RAPGEF5: variants seen among roughly 807,000 people sequenced by gnomAD.
The protein encoded by RAPGEF5 is M-Ras-regulated GEF.
Under a neutral mutation model 125.2 loss-of-function variants are expected in RAPGEF5, and 65 were observed. The ratio of observed to expected loss-of-function variants is 0.52; its 90% confidence interval spans 0.43 to 0.64. The LOEUF is 0.64. Ranked by LOEUF, RAPGEF5 falls within the 30% of genes least tolerant of loss-of-function variation. RAPGEF5 has a pLI of 0.00. For synonymous variants in RAPGEF5, 391 were observed against 385.9 expected, an observed-to-expected ratio of 1.01 and a Z score of -0.16; for missense variants, 958 against 1,048.1, an observed-to-expected ratio of 0.91 and a Z score of 1.19.
At chr7:22,196,148 G>C (rs769448246) in intron 9 of RAPGEF5, among the ~76,000 whole-genome samples, 1 of 152,060 alleles carries the variant, frequency 6.6e-6, no homozygotes, top group Non-Finnish European at 1.5e-5. Flanking sequence ...ATAAAGAAGA[G>C]AAAAAGCAGA....
Position 22,318,019 on chromosome 7 carries a change from A to G in RAPGEF5, c.250T>C (p.Ser84Pro). 7.1e-6 allele frequency: 11 copies of G among 1,544,940 alleles called. No homozygotes were observed. The highest frequency in any genetic ancestry group is 9.6e-6 in the Non-Finnish European group (11 of 1,145,412). ...GGCGTATGTTCAAGGTACGGATTAG[A>G]TATTCTTCTTGATAGAGTCTATTTT... ...AGGRTLSRRI[S>P]NPYLEHTPSQ... Residue 84 changes from serine to proline, a missense_variant, in exon 2 of 26, where the codon TCT becomes CCT. Physicochemically the swap from Ser to Pro is moderately conservative, Grantham distance 74 (BLOSUM62 -1). Transcript: ENST00000665637.
At chr7:22,185,904 G>C (rs1056739486) in intron 11 of RAPGEF5, among the ~76,000 whole-genome samples, 16 of 151,808 alleles carry the variant, frequency 1.1e-4, no homozygotes, top group Admixed American at 1.1e-3. Flanking sequence ...GCCCAAGCTG[G>C]ACTGCAGTGG....
At chr7:22,348,186 G>A (rs1021326839) in intron 1 of RAPGEF5, among the ~76,000 whole-genome samples, 16 of 152,148 alleles carry the variant, frequency 1.1e-4, no homozygotes, top group Admixed American at 9.2e-4. Flanking sequence ...CATTTCTTTT[G>A]CTGTGCTATC....
intron 5 of RAPGEF5, among the ~76,000 whole-genome samples, chr7:22,297,141 G>A (rs1783081140): frequency 6.6e-6 from 1 of 152,124 alleles, no homozygotes; most frequent in Non-Finnish European, 1.5e-5. Flanking sequence ...GGAGATATAG[G>A]GAAATATCAA....
At chr7:22,251,187 C>T (rs1232987462) in intron 7 of RAPGEF5, among the ~76,000 whole-genome samples, 1 of 152,044 alleles carries the variant, frequency 6.6e-6, no homozygotes, top group East Asian at 1.9e-4. Context: ...CTACAGATTG[C>T]AAAAGCAATA....
intron 7 of RAPGEF5, among the ~76,000 whole-genome samples, chr7:22,243,994 A>G (rs148430230): frequency 3.3e-5 from 5 of 152,116 alleles, no homozygotes; most frequent in African/African-American, 4.8e-5. Flanking sequence ...CGTAAGTTCT[A>G]CTTTCTAAGT....
chr7:22,154,383 C>T (rs966223915), intron 17 of RAPGEF5, 72 bp downstream of exon 17: 6 of 1,544,802 alleles, frequency 3.9e-6, no homozygotes, highest in East Asian at 4.6e-5. Context: ...TTTTACTCTA[C>T]AAAAATGTCA....
chr7:22,183,348 C>A (rs1053391851), intron 11 of RAPGEF5, among the ~76,000 whole-genome samples: 2 of 137,766 alleles, frequency 1.5e-5, no homozygotes, highest in Non-Finnish European at 3.1e-5. Context: ...TTCTCTGAAA[C>A]TTGACAATTT....
chr7:22,118,659 T>A lies in RAPGEF5; in HGVS notation c.*3747A>T, dbSNP rs569305901. On this transcript the variant is annotated 3_prime_UTR_variant, in exon 26 of 26. Coordinates refer to ENST00000665637, the MANE Select transcript of RAPGEF5 (RefSeq NM_012294.5). ...TGATGGCGGGTTCTCTATCTTCTAA[T>A]TGTTAATGCAAGCTGACAATATCAC... The A allele has an allele frequency of 6.5e-6, 1 of 152,746 alleles. No homozygotes were observed. The highest frequency in any genetic ancestry group is 2.1e-4 in the South Asian group (1 of 4,828). 9.5% of individuals were successfully genotyped at this position (152,746 alleles called of 1,614,324 possible). A position where few individuals can be genotyped will look rare whatever the true frequency, so the allele number is the denominator to read the frequency against.
intron 22 of RAPGEF5, 35 bp from the exon 23 acceptor site, chr7:22,136,160 A>C: frequency 6.8e-7 from 1 of 1,469,806 alleles, no homozygotes; most frequent in Non-Finnish European, 9.4e-7. Flanking sequence ...GAGAAAGAAA[A>C]ATCAATGTGC....
intron 14 of RAPGEF5, among the ~76,000 whole-genome samples, chr7:22,158,632 A>AT (rs59433660): frequency 0.011 from 1,607 of 148,666 alleles, 24 homozygotes; most frequent in African/African-American, 0.022. Flanking sequence ...GACAAAAATC[A>AT]TTTTTTTTTT....
chr7:22,288,805 C>CA (rs956162299), intron 6 of RAPGEF5, among the ~76,000 whole-genome samples: 1 of 152,160 alleles, frequency 6.6e-6, no homozygotes, highest in African/African-American at 2.4e-5. Flanking sequence ...TTGGTTCCCA[C>CA]AAAAACCACC....
chr7:22,122,213 T>A lies in RAPGEF5; in HGVS notation c.*193A>T, dbSNP rs143611986. ...CTGCCTTCTTGTCCCGAGAGTAGCA[T>A]GGAGAAACCTCTCCCCCTCTCTGGT... On this transcript the variant is annotated 3_prime_UTR_variant, in exon 26 of 26. Coordinates refer to ENST00000665637, the MANE Select transcript of RAPGEF5 (RefSeq NM_012294.5). 150 of 544,486 alleles carry A rather than the reference T, an allele frequency of 2.8e-4. No individual in the cohort carries two copies. The highest frequency in any genetic ancestry group is 9.4e-4 in the Admixed American group (31 of 32,838). 33.7% of individuals were successfully genotyped at this position (544,486 alleles called of 1,614,324 possible).
chr7:22,159,658 A>G (rs1349117494), intron 14 of RAPGEF5, among the ~76,000 whole-genome samples: 1 of 152,244 alleles, frequency 6.6e-6, no homozygotes, highest in African/African-American at 2.4e-5. Flanking sequence ...TAATGGTAAT[A>G]TCGCTAACAG....
intron 5 of RAPGEF5, among the ~76,000 whole-genome samples, chr7:22,298,130 A>C (rs534008577): frequency 6.6e-6 from 1 of 150,884 alleles, no homozygotes; most frequent in South Asian, 2.1e-4. Context: ...TAATTTTTAT[A>C]TGTGAGGAAG....
chr7:22,140,769 C>T (rs1311728825), intron 20 of RAPGEF5, among the ~76,000 whole-genome samples: 1 of 152,154 alleles, frequency 6.6e-6, no homozygotes, highest in Non-Finnish European at 1.5e-5. Context: ...GGTCAACATT[C>T]CACTAATTTC....
chr7:22,141,072 G>A (rs1783243649), intron 20 of RAPGEF5, among the ~76,000 whole-genome samples: 1 of 152,150 alleles, frequency 6.6e-6, no homozygotes, highest in Admixed American at 6.5e-5. Flanking sequence ...CATGGAATCT[G>A]GGAATAGTGT....
At chr7:22,175,856 C>T (rs1383132889) in intron 11 of RAPGEF5, among the ~76,000 whole-genome samples, 1 of 152,182 alleles carries the variant, frequency 6.6e-6, no homozygotes, top group Non-Finnish European at 1.5e-5. Flanking sequence ...TCTCAAGCAC[C>T]AAAAGGTTCT....
intron 7 of RAPGEF5, among the ~76,000 whole-genome samples, chr7:22,255,768 AAG>A (rs2128139233): frequency 6.6e-6 from 1 of 152,322 alleles, no homozygotes; most frequent in East Asian, 1.9e-4. Context: ...CCACAACTTG[AAG>A]AGTTTATGAG....
Sources: allele counts gnomAD v4.1 joint callset (sites outside exome capture counted in the v4.1 genomes callset), GRCh38; gene constraint gnomAD v4.1.1; transcripts MANE v1.5; gene names NCBI Gene and HGNC (gene_info 2026-07-23, HGNC 2026-07-21).